Variants in RANBP17 observed in about 807,000 individuals in gnomAD.
The protein encoded by RANBP17 is RAN binding protein 17, also known as ran-binding protein 17.
A neutral mutation model predicts 141.2 loss-of-function variants in RANBP17; 158 were observed. The ratio of observed to expected loss-of-function variants is 1.12; its 90% CI spans 0.98 to 1.28. The LOEUF is 1.28. Ranked by LOEUF, RANBP17 falls within the 50% of genes most tolerant of loss-of-function variation. The pLI is 0.00. For missense variants in RANBP17, 1,438 were observed against 1,290.7 expected (o/e 1.11, Z -1.75); for synonymous variants, 430 against 450.0 (o/e 0.96, Z 0.56).
chr5:171,159,933 A>AG lies in RANBP17; in HGVS notation c.1711-10197_1711-10196insG, dbSNP rs1466792481. 2.2e-3 allele frequency among the ~76,000 whole-genome samples: 337 copies of AG among 151,050 alleles called. 4 individuals carry two copies. Among genetic ancestry groups the AG allele is most frequent in the African/African-American group, 7.0e-3 (290 of 41,274 alleles). On this transcript the variant is annotated intron_variant, in intron 14 of 27. Transcript: ENST00000523189. ...ACTCCATCTCAAAAAAAAAAAAAAA[A>AG]AAAAAAAAGAAAAAAGAAGAAAATT...
chr5:170,942,966 GT>G (rs1047270520), intron 12 of RANBP17, among the ~76,000 whole-genome samples: 18 of 152,124 alleles, frequency 1.2e-4, no homozygotes, highest in African/African-American at 4.3e-4. Flanking sequence ...AACCGAAGGA[GT>G]TTTTATAGTT....
intron 22 of RANBP17, among the ~76,000 whole-genome samples, chr5:171,230,123 A>G (rs1245096213): frequency 6.6e-6 from 1 of 152,156 alleles, no homozygotes; most frequent in Non-Finnish European, 1.5e-5. Flanking sequence ...TAAGTCCAGC[A>G]GGGGAGTCGG....
intron 13 of RANBP17, among the ~76,000 whole-genome samples, chr5:170,967,507 T>C (rs1391074131): frequency 3.3e-5 from 5 of 151,824 alleles, no homozygotes; most frequent in Admixed American, 3.3e-4. Flanking sequence ...TAGATAATAT[T>C]GAAGGATTTT....
chr5:170,977,966 AGT>A (rs931392391), intron 14 of RANBP17, among the ~76,000 whole-genome samples: 2 of 152,080 alleles, frequency 1.3e-5, no homozygotes, highest in African/African-American at 4.8e-5. Context: ...GTGCACGTTA[AGT>A]GTGTGAATTA....
intron 12 of RANBP17, among the ~76,000 whole-genome samples, chr5:170,942,441 C>T (rs1774404862): frequency 6.6e-6 from 1 of 151,860 alleles, no homozygotes; most frequent in Admixed American, 6.6e-5. Flanking sequence ...ATGAACTATA[C>T]CTAGTGAGTG....
chr5:170,970,673 A>T (rs539772603), intron 14 of RANBP17: 1 of 152,282 alleles, frequency 6.6e-6, no homozygotes, highest in South Asian at 2.1e-4. Flanking sequence ...AACCTCAGGC[A>T]TGAATGGGTT....
intron 27 of RANBP17, among the ~76,000 whole-genome samples, chr5:171,297,278 G>A (rs1047525630): frequency 3.3e-5 from 5 of 152,074 alleles, no homozygotes; most frequent in African/African-American, 4.8e-5. Flanking sequence ...TAGGCATTGG[G>A]GTTACCAGTG....
At chr5:171,182,558 A>G (rs958007565) in intron 16 of RANBP17, among the ~76,000 whole-genome samples, 3 of 152,250 alleles carry the variant, frequency 2.0e-5, no homozygotes, top group Non-Finnish European at 4.4e-5. Flanking sequence ...ACTAAAAATA[A>G]TAAATAATAC....
chr5:171,112,061 A>G (rs906746093), intron 14 of RANBP17, among the ~76,000 whole-genome samples: 1 of 152,140 alleles, frequency 6.6e-6, no homozygotes, highest in African/African-American at 2.4e-5. Context: ...TACATAGCAA[A>G]GTCATCTTGT....
chr5:171,059,214 T>G (rs1312762066), intron 14 of RANBP17, among the ~76,000 whole-genome samples: 1 of 152,078 alleles, frequency 6.6e-6, no homozygotes, highest in East Asian at 1.9e-4. Flanking sequence ...TTGCTTTTGG[T>G]GTTTTAGACA....
intron 14 of RANBP17, among the ~76,000 whole-genome samples, chr5:171,129,500 C>G (rs942532789): frequency 1.8e-4 from 27 of 152,134 alleles, no homozygotes; most frequent in South Asian, 1.0e-3. Context: ...GTAGTCAAGC[C>G]CAGAGCAACT....
intron 14 of RANBP17, among the ~76,000 whole-genome samples, chr5:171,093,219 A>C (rs537588831): frequency 6.6e-6 from 1 of 151,926 alleles, no homozygotes; most frequent in Admixed American, 6.6e-5. Context: ...TCCCCCCAAA[A>C]AAAAAAAATA....
At position 171,183,415 on chromosome 5, in the gene RANBP17, C is replaced by T; in HGVS notation, c.2023C>T (p.Leu675=). ...CTTCTACACAGCGCTCACTCGCCTTCTGATGGTAGATCTGGGTAAGGTTAA... is the reference window on the plus strand; with the variant it reads ...CTTCTACACAGCGCTCACTCGCCTTTTGATGGTAGATCTGGGTAAGGTTAA... ...TTFYTALTRL[L]MVDLGEDEDE... is the part of the protein sequence containing the mutation. Residue 675 remains leucine (L), a synonymous_variant, in exon 18 of 28, where the codon CTG becomes TTG. Transcript: ENST00000523189. The T allele has an allele frequency of 6.2e-7, 1 of 1,612,264 alleles. No homozygotes were observed. Among genetic ancestry groups the T allele is most frequent in the Non-Finnish European group, 8.5e-7 (1 of 1,178,314 alleles).
chr5:171,152,668 C>A (rs1237755973), intron 14 of RANBP17, among the ~76,000 whole-genome samples: 1 of 152,152 alleles, frequency 6.6e-6, no homozygotes, highest in African/African-American at 2.4e-5. Flanking sequence ...CCATTTTTAA[C>A]TTGGATCATA....
At chr5:171,061,447 T>G (rs1454419997) in intron 14 of RANBP17, among the ~76,000 whole-genome samples, 8 of 151,996 alleles carry the variant, frequency 5.3e-5, no homozygotes, top group Non-Finnish European at 1.2e-4. Flanking sequence ...AGCAGGTTGT[T>G]CAGTTTCCAT....
intron 14 of RANBP17, chr5:171,029,069 A>G (rs1313775197): frequency 2.4e-6 from 1 of 422,576 alleles, no homozygotes; most frequent in Admixed American, 4.3e-5. Context: ...CTCACTCAGC[A>G]TCAGTCAGCC....
chr5:171,096,497 T>C (rs1786703901), intron 14 of RANBP17, among the ~76,000 whole-genome samples: 1 of 152,146 alleles, frequency 6.6e-6, no homozygotes, highest in African/African-American at 2.4e-5. Context: ...CAGTAAATAT[T>C]TAGGTAGCAC....
At chr5:171,168,446 G>A (rs1759854514) in intron 14 of RANBP17, among the ~76,000 whole-genome samples, 1 of 152,202 alleles carries the variant, frequency 6.6e-6, no homozygotes, top group Non-Finnish European at 1.5e-5. Flanking sequence ...GTTGTGAAAT[G>A]CTTTGTGTGC....
chr5:170,934,411 G>A (rs1773677606), intron 12 of RANBP17, among the ~76,000 whole-genome samples: 1 of 152,112 alleles, frequency 6.6e-6, no homozygotes, highest in African/African-American at 2.4e-5. Flanking sequence ...CGTTGTTGCA[G>A]TTTCTTCCTA....
Sources: allele counts gnomAD v4.1 joint callset (sites outside exome capture counted in the v4.1 genomes callset), GRCh38; gene constraint gnomAD v4.1.1; transcripts MANE v1.5; gene names NCBI Gene and HGNC (gene_info 2026-07-23, HGNC 2026-07-21).